Variants in WASHC5 observed in about 807,000 individuals in gnomAD.
WASHC5 encodes WASH complex subunit strumpellin.
WASHC5 carries 101 observed loss-of-function variants against 150.4 expected under a neutral mutation model. The ratio of observed to expected loss-of-function variants is 0.67; its 90% CI spans 0.57 to 0.79. The LOEUF (loss-of-function observed/expected upper bound fraction) is 0.79. WASHC5 is among the 30% of genes least tolerant of loss of function. The pLI is 0.00. For synonymous variants in WASHC5, 467 were observed against 491.2 expected, an observed-to-expected ratio of 0.95 and a Z score of 0.65; for missense variants, 1,195 against 1,396.3, an observed-to-expected ratio of 0.86 and a Z score of 2.30.
At chr8:125,054,067 C>T (rs76670343) in intron 17 of WASHC5, among the ~76,000 whole-genome samples, 12 of 152,220 alleles carry the variant, frequency 7.9e-5, no homozygotes, top group East Asian at 3.9e-4. Flanking sequence ...GATTGGTCTG[C>T]GGCCACTTGA....
intron 26 of WASHC5, among the ~76,000 whole-genome samples, chr8:125,036,687 TAAAA>T: frequency 6.6e-6 from 1 of 151,008 alleles, no homozygotes; most frequent in Non-Finnish European, 1.5e-5. Context: ...ATAAATAAAA[TAAAA>T]TAAATAAATA....
rs35442808 is a variant in WASHC5, at chr8:125,079,135, T to TATATATATATATAC, written c.519-206_519-205insGTATATATATATAT. 0.032 allele frequency among the ~76,000 whole-genome samples: 3,691 copies of TATATATATATATAC among 117,040 alleles called. 68 individuals carry two copies. Among genetic ancestry groups the TATATATATATATAC allele is most frequent in the Middle Eastern group, 0.042 (8 of 192 alleles). The allele number at this position is 117,040 out of a possible 152,430, so 76.8% of individuals were successfully genotyped here. ...GTGTGTGTATATATATATATATATA[T>TATATATATATATAC]ATATACATTTTTTTTTGAGATGGAG... On this transcript the variant is annotated intron_variant, in intron 5 of 28. Coordinates refer to ENST00000318410, the MANE Select transcript of WASHC5 (RefSeq NM_014846.4).
chr8:125,024,352 T>TA lies in WASHC5; in HGVS notation c.*264dup. The TA allele has an allele frequency of 1.9e-6, 1 of 528,670 alleles. No individual in the cohort carries two copies. The highest frequency in any genetic ancestry group is 1.9e-5 in the African/African-American group (1 of 52,330). 32.7% of individuals were successfully genotyped at this position (528,670 alleles called of 1,614,324 possible). On this transcript the variant is annotated 3_prime_UTR_variant, in exon 29 of 29. Coordinates refer to ENST00000318410, the MANE Select transcript of WASHC5 (RefSeq NM_014846.4). ...ACTAAATGGATTTATACATAACAGTTACATTCAGCATTTAAGAGAGGCAGT... is the reference window on the plus strand; with the variant it reads ...ACTAAATGGATTTATACATAACAGTTAACATTCAGCATTTAAGAGAGGCAGT...
At chr8:125,067,865 T>A in intron 9 of WASHC5, 146 bp from the exon 10 acceptor site, 2 of 809,004 alleles carry the variant, frequency 2.5e-6, no homozygotes, top group Non-Finnish European at 4.1e-6. Context: ...TGAAATATAG[T>A]ACATCTATGC....
intron 5 of WASHC5, among the ~76,000 whole-genome samples, chr8:125,079,801 A>G (rs1817195090): frequency 1.3e-5 from 2 of 152,218 alleles, no homozygotes; most frequent in East Asian, 1.9e-4. Flanking sequence ...AAATGATTTC[A>G]GCTTACATCA....
Position 125,050,330 on chromosome 8 carries a change from T to C in WASHC5, c.2199+234A>G, listed in dbSNP as rs542965786. Among the ~76,000 whole-genome samples, 3 of 152,282 alleles carry C rather than the reference T, an allele frequency of 2.0e-5. No individual in the cohort carries two copies. The East Asian group carries it at 5.8e-4, about 29-fold the overall frequency. ...AGGTGGAGGAAAGAAGCACTGGTTT[T>C]AAAAATATGAAGTTTTAAATATAAA... On this transcript the variant is annotated intron_variant, in intron 18 of 28. Coordinates refer to ENST00000318410, the MANE Select transcript of WASHC5 (RefSeq NM_014846.4).
intron 28 of WASHC5, among the ~76,000 whole-genome samples, chr8:125,026,404 C>T (rs1053698089): frequency 1.3e-5 from 2 of 152,148 alleles, no homozygotes; most frequent in South Asian, 2.1e-4. Context: ...GACACTGACA[C>T]AGAATTAATT....
At chr8:125,062,328 C>A (rs1213226433) in intron 11 of WASHC5, among the ~76,000 whole-genome samples, 1 of 152,114 alleles carries the variant, frequency 6.6e-6, no homozygotes, top group Non-Finnish European at 1.5e-5. Context: ...GAAAGTATGT[C>A]CTAAGCTGTA....
In WASHC5 at chr8:125,073,438, T is replaced by A. The variant is rs1461831324; in HGVS notation, c.979-114A>T. The stretch of plus-strand genomic sequence containing the variant: ...ACATTTCTATATAGGATGAATGACA[T>A]ATGGATTACAGTTATAGGGCTCGAA... On this transcript the variant is annotated intron_variant, in intron 8 of 28. Transcript: ENST00000318410. The A allele has an allele frequency of 7.8e-6, 7 of 902,426 alleles. No homozygotes were observed. In the African/African-American group the frequency reaches 1.2e-4, roughly 15 times the overall value. The allele number at this position is 902,426 out of a possible 1,614,324, so 55.9% of individuals were successfully genotyped here.
intron 16 of WASHC5, among the ~76,000 whole-genome samples, chr8:125,056,044 A>C (rs534162460): frequency 1.3e-5 from 2 of 152,340 alleles, no homozygotes; most frequent in South Asian, 4.1e-4. Flanking sequence ...GACATTGATA[A>C]GGTAGGCAGG....
intron 10 of WASHC5, among the ~76,000 whole-genome samples, chr8:125,065,988 T>C (rs895218952): frequency 5.3e-5 from 8 of 152,184 alleles, no homozygotes; most frequent in Non-Finnish European, 8.8e-5. Flanking sequence ...CTGGTTCCTG[T>C]TCTTGGATCT....
At chr8:125,079,114 G>GTATA (rs1194077815) in intron 5 of WASHC5, among the ~76,000 whole-genome samples, 184 bp from the exon 6 acceptor site, 6 of 71,972 alleles carry the variant, frequency 8.3e-5, no homozygotes, top group South Asian at 4.1e-4. Context: ...GTGTGTGTGT[G>GTATA]TGTATATATA....
At chr8:125,090,128 G>A (rs950300378) in intron 1 of WASHC5, among the ~76,000 whole-genome samples, 4 of 152,196 alleles carry the variant, frequency 2.6e-5, no homozygotes, top group Non-Finnish European at 4.4e-5. Context: ...AAATCACTTA[G>A]TTACATTTTA....
At chr8:125,026,670 A>T (rs1815386903) in intron 28 of WASHC5, among the ~76,000 whole-genome samples, 1 of 152,010 alleles carries the variant, frequency 6.6e-6, no homozygotes, top group East Asian at 1.9e-4. Flanking sequence ...TTTCTCTCTT[A>T]ATTTGAGATG....
At chr8:125,052,747 A>C (rs1176636257) in intron 17 of WASHC5, among the ~76,000 whole-genome samples, 7 of 152,158 alleles carry the variant, frequency 4.6e-5, no homozygotes, top group Non-Finnish European at 1.0e-4. Context: ...GTACGAATGC[A>C]CCATGGAATA....
At position 125,032,359 on chromosome 8, in the gene WASHC5, A is replaced by G. The variant is rs766017803; in HGVS notation, c.3217T>C (p.Trp1073Arg). 1.1e-5 allele frequency: 17 copies of G among 1,614,206 alleles called. No individual in the cohort carries two copies. Among genetic ancestry groups the G allele is most frequent in the Non-Finnish European group, 1.4e-5 (17 of 1,180,028 alleles). Residue 1073 changes from tryptophan to arginine, a missense_variant, in exon 27 of 29, where the codon TGG becomes CGG. Around this residue, in one of 3 missense-constraint regions of WASHC5, gnomAD observed 997 missense variants for 1,168.1 expected, o/e 0.85. Coordinates refer to ENST00000318410, the MANE Select transcript of WASHC5 (RefSeq NM_014846.4). ...VCRKPTDPVD[W>R]PPLVLGLLTL... ...AGCAGTCCCAGGACAAGTGGTGGCC[A>G]ATCAACCGGGTCGGTCGGTTTTCGG... is the stretch of plus-strand genomic sequence containing the variant.
At chr8:125,038,444 T>C (rs943855879) in intron 25 of WASHC5, among the ~76,000 whole-genome samples, 2 of 152,290 alleles carry the variant, frequency 1.3e-5, no homozygotes, top group African/African-American at 2.4e-5. Flanking sequence ...AGGGAAGAGT[T>C]TGTAGCTTCT....
intron 17 of WASHC5, among the ~76,000 whole-genome samples, chr8:125,051,636 C>G (rs1479113761): frequency 3.3e-5 from 5 of 152,336 alleles, no homozygotes; most frequent in Admixed American, 6.5e-5. Context: ...GCCTGTAATC[C>G]CAGCTCTTTG....
rs190007736 is a variant in WASHC5, at chr8:125,078,813, G to A, written c.636C>T (p.Phe212=). Residue 212 remains phenylalanine (F), a synonymous_variant, in exon 6 of 29, where the codon TTC becomes TTT. Coordinates refer to ENST00000318410, the MANE Select transcript of WASHC5 (RefSeq NM_014846.4). ...AGGATTCGTTGATAGGCACTCTCTG[G>A]AAATAGCTCTCGGGATAGTTGGATG... ...KRPSNYPESY[F]QRVPINESFI... 1.6e-4 allele frequency: 255 copies of A among 1,613,942 alleles called. 2 individuals are homozygous for A. The East Asian group carries it at 5.6e-3, about 36-fold the overall frequency.
Sources: gnomAD v4.1 joint callset for allele counts (sites outside exome capture counted in the v4.1 genomes callset) on GRCh38, gnomAD v4.1.1 for gene constraint, gnomAD v4.1.1 regional missense constraint, MANE v1.5 for transcripts, NCBI Gene and HGNC (gene_info 2026-07-23, HGNC 2026-07-21) for gene names.